Variants in PARD3 observed in about 807,000 individuals in gnomAD.
PARD3 encodes the protein par-3 family cell polarity regulator.
In PARD3, 75 loss-of-function variants were observed where a neutral mutation model predicts 155.4. That is an observed-to-expected ratio of 0.48 (90% confidence interval 0.40 to 0.58). The LOEUF is 0.58. PARD3 is among the 20% of genes least tolerant of loss of function. PARD3 has a pLI of 0.00. For missense variants in PARD3, 1,642 were observed against 1,721.7 expected, an observed-to-expected ratio of 0.95 and a Z score of 0.82; for synonymous variants, 576 against 610.5, an observed-to-expected ratio of 0.94 and a Z score of 0.83.
chr10:34,762,259 G>GGA (rs139337549), intron 1 of PARD3, among the ~76,000 whole-genome samples: 3 of 149,432 alleles, frequency 2.0e-5, no homozygotes, highest in Non-Finnish European at 4.5e-5. Context: ...GGAGGGAGAG[G>GGA]GAGAGAGAGA....
chr10:34,631,763 A>T (rs1002664600), intron 2 of PARD3, among the ~76,000 whole-genome samples: 4 of 152,164 alleles, frequency 2.6e-5, no homozygotes, highest in South Asian at 2.1e-4. Flanking sequence ...ATATCTGGTT[A>T]AATTTTTTAT....
intron 1 of PARD3, among the ~76,000 whole-genome samples, chr10:34,735,289 G>C (rs1423244541): frequency 1.3e-5 from 2 of 152,178 alleles, no homozygotes; most frequent in African/African-American, 4.8e-5. Context: ...TAAAGCTGTA[G>C]AGATGCTATA....
chr10:34,573,724 CAAACAAACAA>C (rs1264961295), intron 2 of PARD3, among the ~76,000 whole-genome samples: 3 of 112,624 alleles, frequency 2.7e-5, no homozygotes, highest in African/African-American at 9.3e-5. Flanking sequence ...AACAAACAAA[CAAACAAACAA>C]AAACACACAC....
intron 3 of PARD3, among the ~76,000 whole-genome samples, chr10:34,486,360 G>A (rs2079470021): frequency 6.6e-6 from 1 of 152,120 alleles, no homozygotes; most frequent in African/African-American, 2.4e-5. Context: ...CCATTCAGTT[G>A]GTTAGGGGTC....
intron 22 of PARD3, among the ~76,000 whole-genome samples, chr10:34,211,705 T>C (rs1054346895): frequency 2.0e-5 from 3 of 151,670 alleles, no homozygotes; most frequent in Non-Finnish European, 4.4e-5. Flanking sequence ...GCTTGAACCC[T>C]GGAGGCGGAG....
chr10:34,623,940 A>G (rs1590277846), intron 2 of PARD3, among the ~76,000 whole-genome samples: 1 of 151,006 alleles, frequency 6.6e-6, no homozygotes, highest in South Asian at 2.1e-4. Flanking sequence ...GAGATCTACC[A>G]CTGCACTCCA....
intron 2 of PARD3, among the ~76,000 whole-genome samples, chr10:34,598,210 A>G (rs529512159): frequency 1.3e-4 from 20 of 152,234 alleles, no homozygotes; most frequent in Non-Finnish European, 2.4e-4. Context: ...TCTGAGGAAC[A>G]AGGGATCTCT....
intron 2 of PARD3, among the ~76,000 whole-genome samples, chr10:34,651,773 A>ATTTGGCCAC (rs1285542460): frequency 5.3e-5 from 8 of 152,196 alleles, no homozygotes; most frequent in African/African-American, 1.7e-4. Flanking sequence ...AAAGTGGACA[A>ATTTGGCCAC]TTTGGCCACT....
intron 1 of PARD3, among the ~76,000 whole-genome samples, chr10:34,702,804 G>A (rs2133553720): frequency 6.6e-6 from 1 of 152,304 alleles, no homozygotes; most frequent in South Asian, 2.1e-4. Context: ...CCTGAACTCA[G>A]TGCTCTCAAG....
intron 22 of PARD3, among the ~76,000 whole-genome samples, chr10:34,234,030 G>A (rs1953080908): frequency 6.6e-6 from 1 of 152,062 alleles, no homozygotes; most frequent in Admixed American, 6.5e-5. Flanking sequence ...AGTACCTAGT[G>A]CAATTTCTGA....
chr10:34,546,284 G>A lies in PARD3; in HGVS notation c.223-29125C>T, dbSNP rs534325684. Among the ~76,000 whole-genome samples, 9 of 152,140 alleles carry A rather than the reference G, an allele frequency of 5.9e-5. No homozygotes were observed. The East Asian group carries it at 1.2e-3, about 20-fold the overall frequency. The stretch of plus-strand genomic sequence containing the variant: ...TGTAATCCCAGCACTTTGGGAGGCC[G>A]AGGTGGGTGAATCACAATGTCAGGG... On this transcript the variant is annotated intron_variant, in intron 2 of 24. Coordinates refer to ENST00000374788, the MANE Select transcript of PARD3 (RefSeq NM_001184785.2).
chr10:34,286,087 T>C (rs1956375519), intron 20 of PARD3, among the ~76,000 whole-genome samples: 1 of 152,212 alleles, frequency 6.6e-6, no homozygotes. Context: ...TAAAAGACTT[T>C]GCACTATTTT....
At chr10:34,295,758 G>A (rs986068424) in intron 20 of PARD3, among the ~76,000 whole-genome samples, 3 of 152,120 alleles carry the variant, frequency 2.0e-5, no homozygotes, top group African/African-American at 7.2e-5. Context: ...TCAGTGGGTA[G>A]AAATAACCTA....
rs192544990 is a variant in PARD3, at chr10:34,347,231, C to G, written c.2218+734G>C. 2.5e-3 allele frequency among the ~76,000 whole-genome samples: 379 copies of G among 152,310 alleles called. 3 individuals carry two copies. The highest frequency in any genetic ancestry group is 9.0e-3 in the African/African-American group (373 of 41,566). On this transcript the variant is annotated intron_variant, in intron 15 of 24. Transcript: ENST00000374788. ...GCTTCTTGTGTTTTAAATTTGAAAA[C>G]TCTCACAAGCTAATCGCAAGATGAG... is the stretch of plus-strand genomic sequence containing the variant.
intron 5 of PARD3, among the ~76,000 whole-genome samples, chr10:34,415,065 G>C (rs1845529473): frequency 6.6e-6 from 1 of 152,094 alleles, no homozygotes; most frequent in South Asian, 2.1e-4. Flanking sequence ...CCATGATCAG[G>C]AAGAAGAACC....
chr10:34,498,594 C>T (rs1033809315), intron 3 of PARD3, among the ~76,000 whole-genome samples: 11 of 151,938 alleles, frequency 7.2e-5, no homozygotes, highest in African/African-American at 1.7e-4. Flanking sequence ...CTGGCCAACA[C>T]GGCAAAACCC....
chr10:34,115,004 A>T (rs2132643436), intron 24 of PARD3, among the ~76,000 whole-genome samples: 1 of 152,272 alleles, frequency 6.6e-6, no homozygotes, highest in East Asian at 1.9e-4. Flanking sequence ...TATCACCTAA[A>T]GATTACAACC....
At chr10:34,643,537 TTTG>T (rs1458664618) in intron 2 of PARD3, among the ~76,000 whole-genome samples, 1 of 152,372 alleles carries the variant, frequency 6.6e-6, no homozygotes, top group East Asian at 1.9e-4. Context: ...TTGTTAGTGC[TTTG>T]TTATGTATAA....
At chr10:34,231,013 C>A (rs542309248) in intron 22 of PARD3, among the ~76,000 whole-genome samples, 1 of 151,816 alleles carries the variant, frequency 6.6e-6, no homozygotes, top group African/African-American at 2.4e-5. Flanking sequence ...GGTGACAGAG[C>A]GAGACCCTGT....
Sources: allele counts gnomAD v4.1 joint callset (sites outside exome capture counted in the v4.1 genomes callset), GRCh38; gene constraint gnomAD v4.1.1; transcripts MANE v1.5; gene names NCBI Gene and HGNC (gene_info 2026-07-23, HGNC 2026-07-21).